The following HTR1F variants were observed in gnomAD, a reference collection of about 807,000 sequenced individuals.
HTR1F encodes the protein 5-hydroxytryptamine (serotonin) receptor 1F, G protein-coupled.
HTR1F carries 17 observed loss-of-function variants against 24.0 expected under a neutral mutation model. That is an observed-to-expected ratio of 0.71 (90% CI 0.48 to 1.06). HTR1F has a LOEUF of 1.06. HTR1F is among the 50% of genes least tolerant of loss of function. The pLI is 0.00. For missense variants in HTR1F, 391 were observed against 427.8 expected (o/e 0.91, Z 0.76); for synonymous variants, 186 against 156.8 (o/e 1.19, Z -1.39).
chr3:87,976,275 C>T (rs1174883147), intron 2 of HTR1F, among the ~76,000 whole-genome samples: 4 of 152,066 alleles, frequency 2.6e-5, no homozygotes, highest in Admixed American at 6.5e-5. Flanking sequence ...ATATAAGTAA[C>T]AGTCTAGTTC....
At chr3:87,896,055 T>G (rs1361020712) in intron 2 of HTR1F, among the ~76,000 whole-genome samples, 4 of 152,208 alleles carry the variant, frequency 2.6e-5, no homozygotes, top group Admixed American at 6.5e-5. Context: ...GAGAAATGGT[T>G]GTGAATCATT....
chr3:87,915,425 C>T lies in HTR1F; in HGVS notation c.-42-75283C>T, dbSNP rs138386927. On this transcript the variant is annotated intron_variant, in intron 2 of 2. Transcript: ENST00000319595. ...TAATCAGGGAAGCACCAGAGAAAGGCGAAGCCCAATGCAAGGAAACCCAAA... is the reference window on the plus strand; with the variant it reads ...TAATCAGGGAAGCACCAGAGAAAGGTGAAGCCCAATGCAAGGAAACCCAAA... Among the ~76,000 whole-genome samples, 508 of 152,006 alleles carry T rather than the reference C, an allele frequency of 3.3e-3. 3 individuals are homozygous for T. Among genetic ancestry groups the T allele is most frequent in the African/African-American group, 0.011 (442 of 41,468 alleles).
At chr3:87,911,325 C>T (rs1559628161) in intron 2 of HTR1F, among the ~76,000 whole-genome samples, 1 of 151,986 alleles carries the variant, frequency 6.6e-6, no homozygotes, top group Non-Finnish European at 1.5e-5. Context: ...CCATCAGAGA[C>T]TATTATGAAC....
chr3:87,848,552 T>C (rs981629130), intron 2 of HTR1F, among the ~76,000 whole-genome samples: 5 of 151,872 alleles, frequency 3.3e-5, no homozygotes, highest in African/African-American at 9.7e-5. Context: ...ATATATAGGA[T>C]GCATTTTCTT....
At chr3:87,816,930 G>C (rs1176006599) in intron 1 of HTR1F, among the ~76,000 whole-genome samples, 1 of 151,906 alleles carries the variant, frequency 6.6e-6, no homozygotes, top group Non-Finnish European at 1.5e-5. Flanking sequence ...TAGTAATTAT[G>C]GCCCCCCACT....
At chr3:87,926,960 C>G (rs9852305) in intron 2 of HTR1F, among the ~76,000 whole-genome samples, 66,550 of 151,752 alleles carry the variant, frequency 0.44, 15,580 homozygotes, top group African/African-American at 0.61. Flanking sequence ...TCTGAGAATT[C>G]GGACAGGTGA....
At chr3:87,880,622 G>A (rs192214150) in intron 2 of HTR1F, among the ~76,000 whole-genome samples, 1 of 149,538 alleles carries the variant, frequency 6.7e-6, no homozygotes, top group East Asian at 2.0e-4. Flanking sequence ...AAATTGTTCA[G>A]CTACAAAATG....
intron 2 of HTR1F, among the ~76,000 whole-genome samples, chr3:87,848,365 G>T (rs1704995804): frequency 6.6e-6 from 1 of 151,372 alleles, no homozygotes; most frequent in Non-Finnish European, 1.5e-5. Flanking sequence ...TTTTTTAGTG[G>T]GATTTTTTTT....
At chr3:87,825,272 G>C (rs1425456773) in intron 2 of HTR1F, among the ~76,000 whole-genome samples, 1 of 152,144 alleles carries the variant, frequency 6.6e-6, no homozygotes, top group Non-Finnish European at 1.5e-5. Context: ...CGTCCTCAGA[G>C]CTGTCCTGAC....
Position 87,815,456 on chromosome 3 carries a change from T to A in HTR1F, c.-159-6552T>A, listed in dbSNP as rs112969555. Among the ~76,000 whole-genome samples the A allele has an allele frequency of 1.8e-3, 277 of 152,252 alleles. 2 individuals carry two copies. The highest frequency in any genetic ancestry group is 6.4e-3 in the African/African-American group (268 of 41,582). Reference sequence around the variant, plus strand: ...TGAGCCTATGGATTTGTCTTTTATTTGCTATGTAATTACCATATTTGAAGA... The same window carrying A: ...TGAGCCTATGGATTTGTCTTTTATTAGCTATGTAATTACCATATTTGAAGA... On this transcript the variant is annotated intron_variant, in intron 1 of 2. Transcript: ENST00000319595.
At chr3:87,848,029 A>C (rs13087259) in intron 2 of HTR1F, among the ~76,000 whole-genome samples, 29 of 151,976 alleles carry the variant, frequency 1.9e-4, no homozygotes, top group African/African-American at 7.0e-4. Context: ...GATAATCAAT[A>C]CCTAGCAGTG....
intron 2 of HTR1F, among the ~76,000 whole-genome samples, chr3:87,886,894 T>C (rs141600638): frequency 0.075 from 11,344 of 152,190 alleles, 518 homozygotes; most frequent in Middle Eastern, 0.12. Flanking sequence ...AAAATGGCCA[T>C]ACTGCCCAAG....
chr3:87,950,515 T>A (rs1480839985), intron 2 of HTR1F, among the ~76,000 whole-genome samples: 2 of 152,044 alleles, frequency 1.3e-5, no homozygotes, highest in African/African-American at 4.8e-5. Flanking sequence ...CTGATGTTAT[T>A]TTTTTACAGA....
At chr3:87,872,933 A>G (rs1705589513) in intron 2 of HTR1F, among the ~76,000 whole-genome samples, 1 of 152,078 alleles carries the variant, frequency 6.6e-6, no homozygotes, top group Non-Finnish European at 1.5e-5. Context: ...TTTGAAACTT[A>G]TTTTATGAGG....
intron 2 of HTR1F, among the ~76,000 whole-genome samples, chr3:87,885,804 T>C (rs191311938): frequency 7.2e-5 from 11 of 152,142 alleles, no homozygotes; most frequent in Non-Finnish European, 1.5e-4. Flanking sequence ...AAGTTGAATC[T>C]CTGAATACAC....
chr3:87,875,520 G>A (rs1705650882), intron 2 of HTR1F, among the ~76,000 whole-genome samples: 1 of 151,900 alleles, frequency 6.6e-6, no homozygotes, highest in South Asian at 2.1e-4. Flanking sequence ...GGCAACCTAT[G>A]AAATGGGAGA....
intron 1 of HTR1F, among the ~76,000 whole-genome samples, chr3:87,794,437 G>C (rs1010401158): frequency 1.3e-5 from 2 of 152,176 alleles, no homozygotes; most frequent in African/African-American, 4.8e-5. Context: ...CTTTGGGAGA[G>C]GTGGTTCAAT....
chr3:87,866,683 C>T (rs1379916874), intron 2 of HTR1F, among the ~76,000 whole-genome samples: 1 of 149,820 alleles, frequency 6.7e-6, no homozygotes, highest in African/African-American at 2.4e-5. Context: ...ACTTCAAGTG[C>T]ATTTCCTGCA....
chr3:87,948,173 G>C (rs756148946), intron 2 of HTR1F, among the ~76,000 whole-genome samples: 2 of 152,128 alleles, frequency 1.3e-5, no homozygotes, highest in Non-Finnish European at 2.9e-5. Flanking sequence ...TGAATCGTAA[G>C]TTTGACTATT....
Sources: allele counts gnomAD v4.1 joint callset (sites outside exome capture counted in the v4.1 genomes callset), GRCh38; gene constraint gnomAD v4.1.1; transcripts MANE v1.5; gene names NCBI Gene and HGNC (gene_info 2026-07-23, HGNC 2026-07-21).